Variants in ACVR1C observed in about 807,000 individuals in gnomAD.
ACVR1C encodes the protein activin A receptor type 1C.
A neutral mutation model predicts 57.9 loss-of-function variants in ACVR1C; 23 were observed. The ratio of observed to expected loss-of-function variants is 0.40; its 90% CI spans 0.29 to 0.56. ACVR1C has a LOEUF of 0.56. ACVR1C is among the 20% of genes least tolerant of loss of function. The pLI is 0.50. For missense variants in ACVR1C, 480 were observed against 607.9 expected (o/e 0.79, Z 2.21); for synonymous variants, 214 against 215.3 (o/e 0.99, Z 0.05).
chr2:157,557,769 G>A (rs903820373), intron 2 of ACVR1C, among the ~76,000 whole-genome samples: 2 of 152,032 alleles, frequency 1.3e-5, no homozygotes, highest in Non-Finnish European at 1.5e-5. Context: ...AATTAAATTT[G>A]TGATTCTAAT....
intron 1 of ACVR1C, 152 bp downstream of exon 1, chr2:157,628,420 T>A: frequency 1.1e-6 from 1 of 913,406 alleles, no homozygotes; most frequent in South Asian, 1.5e-5. Context: ...CTGCACCCTA[T>A]CCCGCGCCCC....
chr2:157,554,233 A>AAGAAAGAAAGAAAGAAAGAAAG (rs1688009731), intron 3 of ACVR1C, among the ~76,000 whole-genome samples: 1 of 131,240 alleles, frequency 7.6e-6, no homozygotes, highest in East Asian at 2.1e-4. Flanking sequence ...GAAAGAAAGA[A>AAGAAAGAAAGAAAGAAAGAAAG]AGAAAGAAAG....
Position 157,628,851 on chromosome 2 carries a change from G to A in ACVR1C, c.-207C>T. On this transcript the variant is annotated 5_prime_UTR_variant, in exon 1 of 9. Coordinates refer to ENST00000243349, the MANE Select transcript of ACVR1C (RefSeq NM_145259.3). ...CGCCCCCTGCGGCTGGCGGTGCGCG[G>A]CGCTCCTGCCACTGGCCCCGCAGCC... 8.6e-6 allele frequency: 3 copies of A among 347,680 alleles called. No homozygotes were observed. Among genetic ancestry groups the A allele is most frequent in the Non-Finnish European group, 1.0e-5 (2 of 196,052 alleles). The allele number at this position is 347,680 out of a possible 1,614,324, so 21.5% of individuals were successfully genotyped here.
chr2:157,566,807 C>T (rs1688398743), intron 2 of ACVR1C, among the ~76,000 whole-genome samples: 1 of 152,170 alleles, frequency 6.6e-6, no homozygotes, highest in Admixed American at 6.5e-5. Flanking sequence ...ATTGCCCAGG[C>T]TTGCTTAGGT....
chr2:157,628,550 G>C lies in ACVR1C; in HGVS notation c.73+22C>G, dbSNP rs775134848. On this transcript the variant is annotated intron_variant, in intron 1 of 8. Transcript: ENST00000243349. ...CCCAGCTCCCACCCTCGCGGGCGTC[G>C]GGAGAGAAACCAGCACCGTACCTGG... The C allele has an allele frequency of 1.2e-5, 19 of 1,604,600 alleles. 2 individuals are homozygous for C. The South Asian group carries it at 1.9e-4, about 16-fold the overall frequency.
At chr2:157,606,809 A>C (rs955138213) in intron 1 of ACVR1C, among the ~76,000 whole-genome samples, 1 of 151,578 alleles carries the variant, frequency 6.6e-6, no homozygotes, top group African/African-American at 2.4e-5. Flanking sequence ...AACTTTTTTT[A>C]GTTTAATATA....
At chr2:157,601,490 A>T (rs923646315) in intron 1 of ACVR1C, among the ~76,000 whole-genome samples, 2 of 152,184 alleles carry the variant, frequency 1.3e-5, no homozygotes, top group Non-Finnish European at 2.9e-5. Flanking sequence ...ATAAGAAAGA[A>T]GTTATAGGAC....
Position 157,587,431 on chromosome 2 carries a change from G to A in ACVR1C, c.74-14C>T, listed in dbSNP as rs779525727. On this transcript the variant is annotated splice_polypyrimidine_tract_variant and intron_variant, in intron 1 of 8. Transcript: ENST00000243349. ...CACACTTCAGTCCTGGAAAGAGTAA[G>A]GCAAAAAGATTTAAAATACAAAAGA... 3 of 1,566,912 alleles carry A rather than the reference G, an allele frequency of 1.9e-6. No individual in the cohort carries two copies. The highest frequency in any genetic ancestry group is 2.2e-5 in the East Asian group (1 of 44,520).
At chr2:157,591,887 G>T in intron 1 of ACVR1C, among the ~76,000 whole-genome samples, 1 of 152,062 alleles carries the variant, frequency 6.6e-6, no homozygotes, top group Middle Eastern at 3.4e-3. Context: ...ACTGACTTAC[G>T]TAACAGTCTC....
chr2:157,602,206 C>T (rs1464027450), intron 1 of ACVR1C, among the ~76,000 whole-genome samples: 1 of 152,208 alleles, frequency 6.6e-6, no homozygotes, highest in Admixed American at 6.5e-5. Flanking sequence ...TTGGTTACCA[C>T]ACTAATTTTT....
intron 1 of ACVR1C, among the ~76,000 whole-genome samples, chr2:157,599,468 C>T (rs13383985): frequency 0.12 from 18,344 of 151,918 alleles, 1,453 homozygotes; most frequent in East Asian, 0.26. Context: ...TGAGCTTTCC[C>T]GGCTCAACAA....
At chr2:157,550,487 T>C in intron 3 of ACVR1C, 95 bp from the exon 4 acceptor site, 1 of 1,085,670 alleles carries the variant, frequency 9.2e-7, no homozygotes, top group Non-Finnish European at 1.3e-6. Flanking sequence ...AAGCAAACAT[T>C]TAAATGCTTT....
At chr2:157,577,151 G>T (rs1219735542) in intron 2 of ACVR1C, among the ~76,000 whole-genome samples, 1 of 151,272 alleles carries the variant, frequency 6.6e-6, no homozygotes, top group African/African-American at 2.4e-5. Flanking sequence ...CACCGCGCCC[G>T]GCCTGAAATT....
At chr2:157,588,756 T>G (rs1458745166) in intron 1 of ACVR1C, among the ~76,000 whole-genome samples, 1 of 150,390 alleles carries the variant, frequency 6.6e-6, no homozygotes, top group Non-Finnish European at 1.5e-5. Flanking sequence ...CAGAAGTCGC[T>G]GCAAGAGACT....
At chr2:157,618,441 G>A (rs75555064) in intron 1 of ACVR1C, among the ~76,000 whole-genome samples, 212 of 151,692 alleles carry the variant, frequency 1.4e-3, no homozygotes, top group African/African-American at 4.3e-3. Context: ...ACATACAACC[G>A]TATTGGTAAA....
intron 7 of ACVR1C, among the ~76,000 whole-genome samples, chr2:157,539,314 T>C (rs1687564575): frequency 6.6e-6 from 1 of 152,162 alleles, no homozygotes; most frequent in African/African-American, 2.4e-5. Context: ...TAGTTGAAGA[T>C]AGACAGTTCA....
chr2:157,590,327 T>C (rs1387235257), intron 1 of ACVR1C, among the ~76,000 whole-genome samples: 2 of 151,878 alleles, frequency 1.3e-5, no homozygotes, highest in Non-Finnish European at 2.9e-5. Flanking sequence ...GTAGTACTTA[T>C]AAAATATTTG....
At chr2:157,534,611 T>C (rs1445648630) in intron 8 of ACVR1C, among the ~76,000 whole-genome samples, 2 of 152,074 alleles carry the variant, frequency 1.3e-5, no homozygotes, top group African/African-American at 4.8e-5. Context: ...CAAATGTAAA[T>C]TATACTACAA....
Position 157,531,220 on chromosome 2 carries a change from G to C in ACVR1C, c.*2698C>G, listed in dbSNP as rs374207117. The C allele has an allele frequency of 6.6e-6, 1 of 151,926 alleles. No homozygotes were observed. Among genetic ancestry groups the C allele is most frequent in the Non-Finnish European group, 1.5e-5 (1 of 67,916 alleles). 9.4% of individuals were successfully genotyped at this position (151,926 alleles called of 1,614,324 possible). A position where few individuals can be genotyped will look rare whatever the true frequency, so the allele number is the denominator to read the frequency against. ...TTCATCATCCTATTTTTGTAAGTGA[G>C]CATGTTCTATATATAATCCTGTTAA... On this transcript the variant is annotated 3_prime_UTR_variant, in exon 9 of 9. Coordinates refer to ENST00000243349, the MANE Select transcript of ACVR1C (RefSeq NM_145259.3).
Sources: allele counts gnomAD v4.1 joint callset (sites outside exome capture counted in the v4.1 genomes callset), GRCh38; gene constraint gnomAD v4.1.1; transcripts MANE v1.5; gene names NCBI Gene and HGNC (gene_info 2026-07-23, HGNC 2026-07-21).